Variants in ZNF462 observed in about 807,000 individuals in gnomAD.
ZNF462 encodes the protein zinc finger protein 462, also known as zinc finger PBX1-interacting protein.
A neutral mutation model predicts 201.9 loss-of-function variants in ZNF462; 10 were observed. The observed-to-expected ratio is 0.05, with a 90% CI of 0.03 to 0.08. The LOEUF (loss-of-function observed/expected upper bound fraction) is 0.08. Ranked by LOEUF, ZNF462 falls within the 10% of genes least tolerant of loss-of-function variation. The pLI is 1.00. For missense variants in ZNF462, 2,523 were observed against 3,168.3 expected (o/e 0.80, Z 4.89); for synonymous variants, 1,227 against 1,193.3 (o/e 1.03, Z -0.58).
At position 106,925,135 on chromosome 9, in the gene ZNF462, C is replaced by T. The variant is rs769822190; in HGVS notation, c.1223C>T (p.Thr408Ile). 1 of 1,614,200 alleles carries T rather than the reference C, an allele frequency of 6.2e-7. No homozygotes were observed. Among genetic ancestry groups the T allele is most frequent in the African/African-American group, 1.3e-5 (1 of 75,040 alleles). ...GGTTTAAGTGCTATGGATCACCAGA[C>T]ATCAGGCCTGTCTGCAGAGCAGCTG... ...ENGLSAMDHQ[T>I]SGLSAEQLMG... The change falls in exon 3 of 13, where the codon ACA (threonine) becomes ATA (isoleucine). Residue 408 changes from threonine (T) to isoleucine (I), a missense_variant. Transcript: ENST00000277225. This position sits in a 1 kb window ranked among gnomAD's most constrained non-coding sequence, Gnocchi z 7.9.
At chr9:106,898,730 G>T (rs1183280334) in intron 1 of ZNF462, among the ~76,000 whole-genome samples, 1 of 152,144 alleles carries the variant, frequency 6.6e-6, no homozygotes, top group African/African-American at 2.4e-5. Flanking sequence ...TTTGGAGGAA[G>T]AGTTTGCCAT....
At chr9:106,937,456 T>TC (rs1346618447) in intron 6 of ZNF462, among the ~76,000 whole-genome samples, 1 of 152,174 alleles carries the variant, frequency 6.6e-6, no homozygotes, top group African/African-American at 2.4e-5. Context: ...ACACCTCTGT[T>TC]CATTTTCACT....
chr9:106,871,189 C>A (rs929265124), intron 1 of ZNF462, among the ~76,000 whole-genome samples: 1 of 152,188 alleles, frequency 6.6e-6, no homozygotes, highest in Non-Finnish European at 1.5e-5. Flanking sequence ...AGTTTCTAAA[C>A]CATCTCATTT....
In ZNF462 at chr9:107,005,871, A is replaced by C. The variant is rs1283598001; in HGVS notation, c.7189+2445A>C. Reference sequence around the variant, plus strand: ...AGACGATTTTTGTATCTGGTGTGAGATAAGGATCTAATTTCATTCTTCTGC... The same window carrying C: ...AGACGATTTTTGTATCTGGTGTGAGCTAAGGATCTAATTTCATTCTTCTGC... On this transcript the variant is annotated intron_variant, in intron 11 of 12. Coordinates refer to ENST00000277225, the MANE Select transcript of ZNF462 (RefSeq NM_021224.6). This position sits in a 1 kb window ranked among gnomAD's most constrained non-coding sequence, Gnocchi z 4.4. Among the ~76,000 whole-genome samples, 2 of 152,284 alleles carry C rather than the reference A, an allele frequency of 1.3e-5. No homozygotes were observed. Among genetic ancestry groups the C allele is most frequent in the African/African-American group, 4.8e-5 (2 of 41,550 alleles).
rs1223818889 is a variant in ZNF462, at chr9:106,970,702, G to T, written c.6428-1303G>T. Among the ~76,000 whole-genome samples the T allele has an allele frequency of 6.6e-6, 1 of 152,162 alleles. No homozygotes were observed. The highest frequency in any genetic ancestry group is 2.1e-4 in the South Asian group (1 of 4,818). Reference sequence around the variant, plus strand: ...TCATTTGTGTCATTCATAGGCAGCTGTAGGTTATATAGGACAATGTTTTTG... The same window carrying T: ...TCATTTGTGTCATTCATAGGCAGCTTTAGGTTATATAGGACAATGTTTTTG... On this transcript the variant is annotated intron_variant, in intron 7 of 12. Coordinates refer to ENST00000277225, the MANE Select transcript of ZNF462 (RefSeq NM_021224.6). The surrounding 1 kb of genome is among the most constrained non-coding windows in gnomAD (Gnocchi z 4.2).
rs1180077809 is a variant in ZNF462 at position 107,003,059 on chromosome 9, ATGAAGGT to A, written c.7057-234_7057-228del. 1.3e-5 allele frequency among the ~76,000 whole-genome samples: 2 copies of A among 152,176 alleles called. No individual in the cohort carries two copies. Among genetic ancestry groups the A allele is most frequent in the Non-Finnish European group, 2.9e-5 (2 of 68,032 alleles). ...CTCATGTTTCTTCACAAGTTTGGTAATGAAGGTCCGGTGTACAAAAGTTCCGGTGAAA... is the reference window on the plus strand; with the variant it reads ...CTCATGTTTCTTCACAAGTTTGGTAACCGGTGTACAAAAGTTCCGGTGAAA... On this transcript the variant is annotated intron_variant, in intron 10 of 12. Coordinates refer to ENST00000277225, the MANE Select transcript of ZNF462 (RefSeq NM_021224.6). This position sits in a 1 kb window ranked among gnomAD's most constrained non-coding sequence, Gnocchi z 4.4.
chr9:106,866,697 T>C (rs1008451654), intron 1 of ZNF462, among the ~76,000 whole-genome samples: 1 of 152,234 alleles, frequency 6.6e-6, no homozygotes, highest in Non-Finnish European at 1.5e-5. Context: ...CCATTACTTT[T>C]GCTCTTAAGT....
intron 1 of ZNF462, among the ~76,000 whole-genome samples, chr9:106,896,226 G>A (rs764687127): frequency 3.9e-5 from 6 of 152,014 alleles, no homozygotes; most frequent in Admixed American, 1.3e-4. Context: ...TTTCTCTCAC[G>A]TCTAGAACCA....
chr9:106,865,833 C>T lies in ZNF462; in HGVS notation c.-31+2478C>T, dbSNP rs1335631676. ...GTGAGGATAATTTGAAAAAAGGACC[C>T]AGTGCTACCCTAGTCCACACACATT... On this transcript the variant is annotated intron_variant, in intron 1 of 12. Coordinates refer to ENST00000277225, the MANE Select transcript of ZNF462 (RefSeq NM_021224.6). The surrounding 1 kb of genome is among the most constrained non-coding windows in gnomAD (Gnocchi z 4.1). Among the ~76,000 whole-genome samples the T allele has an allele frequency of 6.6e-6, 1 of 152,144 alleles. No individual in the cohort carries two copies. The highest frequency in any genetic ancestry group is 1.5e-5 in the Non-Finnish European group (1 of 68,032).
chr9:106,878,707 T>G (rs1212602707), intron 1 of ZNF462, among the ~76,000 whole-genome samples: 1 of 152,200 alleles, frequency 6.6e-6, no homozygotes, highest in African/African-American at 2.4e-5. Flanking sequence ...GAAGAGTGGC[T>G]TAGGCTGTGG....
In ZNF462 at chr9:106,925,859, C is replaced by G. The variant is rs754206522; in HGVS notation, c.1947C>G (p.Pro649=). Residue 649 remains proline (P), a synonymous_variant, in exon 3 of 13, where the codon CCC becomes CCG. Transcript: ENST00000277225. The surrounding 1 kb of genome is among the most constrained non-coding windows in gnomAD (Gnocchi z 7.9). ...TGGAAAATGAGACAGACAGCCACCCCTCTTCCAGCAACACTGTGAAGAAAA... is the reference window on the plus strand; with the variant it reads ...TGGAAAATGAGACAGACAGCCACCCGTCTTCCAGCAACACTGTGAAGAAAA... ...LPLENETDSH[P]SSSNTVKKSQ... 1.2e-6 allele frequency: 2 copies of G among 1,614,206 alleles called. No homozygotes were observed. The highest frequency in any genetic ancestry group is 2.2e-5 in the South Asian group (2 of 91,082).
Position 106,926,438 on chromosome 9 carries a change from T to C in ZNF462, c.2526T>C (p.Leu842=). ...CAGACTTTGGTGACTCTGGAAGGCTTTACTATTGTAAACACTGTGACTTTA... is the reference window on the plus strand; with the variant it reads ...CAGACTTTGGTGACTCTGGAAGGCTCTACTATTGTAAACACTGTGACTTTA... ...ENTDFGDSGR[L]YYCKHCDFNN... is the part of the protein sequence containing the mutation. Residue 842 remains leucine, a synonymous_variant, in exon 3 of 13, where the codon CTT becomes CTC. Transcript: ENST00000277225. This position sits in a 1 kb window ranked among gnomAD's most constrained non-coding sequence, Gnocchi z 7.9. The C allele has an allele frequency of 6.2e-7, 1 of 1,614,174 alleles. No individual in the cohort carries two copies. The highest frequency in any genetic ancestry group is 1.1e-5 in the South Asian group (1 of 91,076).
chr9:107,009,338 G>A lies in ZNF462; in HGVS notation c.7190-207G>A, dbSNP rs1312933536. On this transcript the variant is annotated intron_variant, in intron 11 of 12. Transcript: ENST00000277225. This position sits in a 1 kb window ranked among gnomAD's most constrained non-coding sequence, Gnocchi z 6.1. The stretch of plus-strand genomic sequence containing the variant: ...GGAGGTGAGGCGAAATGAGGTCTTG[G>A]GGCCCAAGAACCAGAAACAGTTCTC... 1.7e-6 allele frequency: 1 copy of A among 594,750 alleles called. No homozygotes were observed. The highest frequency in any genetic ancestry group is 3.2e-5 in the Admixed American group (1 of 30,902). The allele number at this position is 594,750 out of a possible 1,614,324, so 36.8% of individuals were successfully genotyped here.
At chr9:106,999,055 A>G (rs1828964934) in intron 10 of ZNF462, among the ~76,000 whole-genome samples, 1 of 152,176 alleles carries the variant, frequency 6.6e-6, no homozygotes, top group South Asian at 2.1e-4. Context: ...ATTATTATGT[A>G]TCTGAACAAT....
intron 1 of ZNF462, among the ~76,000 whole-genome samples, chr9:106,897,436 A>G (rs1178562578): frequency 6.6e-6 from 1 of 152,126 alleles, no homozygotes; most frequent in African/African-American, 2.4e-5. Context: ...AACTTTTGCC[A>G]TCAGTGACCT....
At chr9:106,944,375 C>G (rs760006393) in intron 7 of ZNF462, among the ~76,000 whole-genome samples, 5 of 152,094 alleles carry the variant, frequency 3.3e-5, no homozygotes, top group Non-Finnish European at 7.4e-5. Flanking sequence ...AGAAGAGACT[C>G]ATTTGGTGAG....
intron 1 of ZNF462, among the ~76,000 whole-genome samples, chr9:106,898,739 A>G (rs1205274574): frequency 1.3e-5 from 2 of 152,150 alleles, no homozygotes; most frequent in African/African-American, 4.8e-5. Context: ...AGAGTTTGCC[A>G]TGATGGAGAA....
chr9:106,956,187 C>T (rs894570724), intron 7 of ZNF462, among the ~76,000 whole-genome samples: 2 of 152,084 alleles, frequency 1.3e-5, no homozygotes, highest in Non-Finnish European at 2.9e-5. Context: ...TAAATAGTAA[C>T]TCTTGAAATG....
rs1830184655 is a variant in ZNF462, at chr9:106,926,157, A to G, written c.2245A>G (p.Ile749Val). Residue 749 changes from isoleucine (I) to valine (V), a missense_variant, in exon 3 of 13, where the codon ATA becomes GTA. Coordinates refer to ENST00000277225, the MANE Select transcript of ZNF462 (RefSeq NM_021224.6). The surrounding 1 kb of genome is among the most constrained non-coding windows in gnomAD (Gnocchi z 7.9). ...DREEEPTEPI[I>V]EVPTSFSAQQ... ...GGAGGAAGAACCGACAGAACCCATCATAGAGGTTCCCACTTCCTTTTCTGC... is the reference window on the plus strand; with the variant it reads ...GGAGGAAGAACCGACAGAACCCATCGTAGAGGTTCCCACTTCCTTTTCTGC... 1.6e-5 allele frequency: 26 copies of G among 1,614,114 alleles called. No homozygotes were observed. The highest frequency in any genetic ancestry group is 2.0e-5 in the Non-Finnish European group (24 of 1,180,052).
Sources: allele counts gnomAD v4.1 joint callset (sites outside exome capture counted in the v4.1 genomes callset), GRCh38; gene constraint gnomAD v4.1.1; non-coding constraint Gnocchi (gnomAD v3.1); transcripts MANE v1.5; gene names NCBI Gene and HGNC (gene_info 2026-07-23, HGNC 2026-07-21).